Variants in TTC7B observed in about 807,000 individuals in gnomAD.
TTC7B encodes the protein tetratricopeptide repeat domain 7B.
TTC7B carries 28 observed loss-of-function variants against 106.8 expected under a neutral mutation model. The ratio of observed to expected loss-of-function variants is 0.26; its 90% CI spans 0.19 to 0.36. The LOEUF is 0.36. Ranked by LOEUF, TTC7B falls within the 10% of genes least tolerant of loss-of-function variation. The pLI, the probability that TTC7B is intolerant of heterozygous loss-of-function variation, is 1.00. For missense variants in TTC7B, 862 were observed against 1,076.4 expected, an observed-to-expected ratio of 0.80 and a Z score of 2.79; for synonymous variants, 405 against 430.6, an observed-to-expected ratio of 0.94 and a Z score of 0.74.
chr14:90,740,374 G>C (rs1405872924), intron 4 of TTC7B, among the ~76,000 whole-genome samples: 1 of 151,934 alleles, frequency 6.6e-6, no homozygotes, highest in Non-Finnish European at 1.5e-5. Flanking sequence ...GGAGTGAACA[G>C]AGAAGTCCAG....
At position 90,531,511 on chromosome 14, in the gene TTC7B, C is replaced by G. The variant is rs904998979; in HGVS notation, c.*9857G>C. On this transcript the variant is annotated 3_prime_UTR_variant, in exon 20 of 20. Transcript: ENST00000328459. ...GCGCATGCCTGTAATCCCAGCCACT[C>G]GGGAGGCTGAGTCAGGAGAACAGCT... 6.6e-6 allele frequency: 1 copy of G among 151,022 alleles called. No homozygotes were observed. The highest frequency in any genetic ancestry group is 2.1e-4 in the South Asian group (1 of 4,760). The allele number at this position is 151,022 out of a possible 1,614,324, so 9.4% of individuals were successfully genotyped here.
chr14:90,611,616 C>T (rs1407124139), intron 16 of TTC7B, among the ~76,000 whole-genome samples: 2 of 152,094 alleles, frequency 1.3e-5, no homozygotes, highest in Non-Finnish European at 2.9e-5. Flanking sequence ...TTGGTGGCAG[C>T]CTCCATACCA....
intron 13 of TTC7B, 126 bp from the exon 14 acceptor site, chr14:90,647,149 C>T (rs1885493828): frequency 2.6e-6 from 2 of 759,220 alleles, no homozygotes; most frequent in Non-Finnish European, 4.6e-6. Context: ...CTATGTAATG[C>T]TTCATTTAAA....
chr14:90,631,482 C>A (rs186591370), intron 15 of TTC7B, among the ~76,000 whole-genome samples: 1 of 150,878 alleles, frequency 6.6e-6, no homozygotes. Context: ...GGTCTCAACT[C>A]ACTGAAACCT....
At position 90,651,204 on chromosome 14, in the gene TTC7B, C is replaced by A. The variant is rs546340024; in HGVS notation, c.1517+1637G>T. ...TTTCCCTTAAAGATTTTTGTTAGGA[C>A]TGCAATTCACTAGAATAGTCCTAGT... On this transcript the variant is annotated intron_variant, in intron 13 of 19. Coordinates refer to ENST00000328459, the MANE Select transcript of TTC7B (RefSeq NM_001010854.2). Among the ~76,000 whole-genome samples, 3 of 152,264 alleles carry A rather than the reference C, an allele frequency of 2.0e-5. No individual in the cohort carries two copies. In the South Asian group the frequency reaches 6.2e-4, roughly 32 times the overall value.
At position 90,541,407 on chromosome 14, in the gene TTC7B, G is replaced by A. The variant is rs1246658986; in HGVS notation, c.2493C>T (p.Ser831=). ...GGATGATGGTGAAGGGCACGGCGGG[G>A]CTGCTGGCCTCCAGCTCCAAGGCTG... ...FLTALELEAS[S]PAVPFTIIPR... Residue 831 remains serine (S), a synonymous_variant, in exon 20 of 20, where the codon AGC becomes AGT. Transcript: ENST00000328459. 1.2e-6 allele frequency: 2 copies of A among 1,611,152 alleles called. No homozygotes were observed. Among genetic ancestry groups the A allele is most frequent in the African/African-American group, 2.7e-5 (2 of 74,920 alleles).
At chr14:90,599,738 T>C (rs1393870334) in intron 17 of TTC7B, among the ~76,000 whole-genome samples, 1 of 152,242 alleles carries the variant, frequency 6.6e-6, no homozygotes, top group African/African-American at 2.4e-5. Flanking sequence ...AATCACCTGC[T>C]GCTAATGAAT....
At chr14:90,816,126 G>A (rs943700) in intron 1 of TTC7B, 49 bp downstream of exon 1, 356,818 of 1,024,856 alleles carry the variant, frequency 0.35, 64,320 homozygotes, top group Non-Finnish European at 0.36. Context: ...CCGTTCCCGC[G>A]GAGGCCGCGG....
In TTC7B at chr14:90,644,228, A is replaced by G; in HGVS notation, c.1591-20T>C. The G allele has an allele frequency of 6.5e-7, 1 of 1,546,640 alleles. No homozygotes were observed. The highest frequency in any genetic ancestry group is 8.7e-7 in the Non-Finnish European group (1 of 1,153,524). The stretch of plus-strand genomic sequence containing the variant: ...TGGGATCTGGTTTAAAACAAAACCA[A>G]AAAAGGTTTTACATACACACATGCA... On this transcript the variant is annotated intron_variant, in intron 14 of 19. Coordinates refer to ENST00000328459, the MANE Select transcript of TTC7B (RefSeq NM_001010854.2).
rs543943541 is a variant in TTC7B, at chr14:90,540,391, G to A, written c.*977C>T. 1 of 152,308 alleles carries A rather than the reference G, an allele frequency of 6.6e-6. No homozygotes were observed. The highest frequency in any genetic ancestry group is 1.5e-5 in the Non-Finnish European group (1 of 68,060). 9.4% of individuals were successfully genotyped at this position (152,308 alleles called of 1,614,324 possible). Reference sequence around the variant, plus strand: ...TGCAGTGATCTGTGATCGCACCACTGAACTCCAGCCTGGGAAACAGAGTGA... The same window carrying A: ...TGCAGTGATCTGTGATCGCACCACTAAACTCCAGCCTGGGAAACAGAGTGA... On this transcript the variant is annotated 3_prime_UTR_variant, in exon 20 of 20. Transcript: ENST00000328459.
intron 19 of TTC7B, among the ~76,000 whole-genome samples, chr14:90,550,263 C>A (rs534975442): frequency 1.3e-5 from 2 of 152,330 alleles, no homozygotes; most frequent in Non-Finnish European, 2.9e-5. Flanking sequence ...AGAGGCTGAG[C>A]ACTGTGTGTC....
intron 15 of TTC7B, among the ~76,000 whole-genome samples, chr14:90,642,045 T>A (rs1164571583): frequency 1.3e-5 from 2 of 152,172 alleles, no homozygotes; most frequent in Non-Finnish European, 2.9e-5. Flanking sequence ...ACTTTACCGA[T>A]GGTTAAAGGA....
intron 18 of TTC7B, among the ~76,000 whole-genome samples, chr14:90,587,294 T>G (rs1297701722): frequency 6.6e-6 from 1 of 152,216 alleles, no homozygotes; most frequent in African/African-American, 2.4e-5. Context: ...CTCAGTAGCT[T>G]TCCAATGATT....
chr14:90,768,802 T>A (rs1477116897), intron 3 of TTC7B, among the ~76,000 whole-genome samples: 1 of 152,250 alleles, frequency 6.6e-6, no homozygotes, highest in Non-Finnish European at 1.5e-5. Context: ...TTAGCAATTA[T>A]AAAACTAGTA....
Position 90,657,257 on chromosome 14 carries a change from G to A in TTC7B, c.1258C>T (p.Leu420=), listed in dbSNP as rs1459629562. Residue 420 remains leucine, a synonymous_variant, in exon 11 of 20, where the codon CTG becomes TTG. Coordinates refer to ENST00000328459, the MANE Select transcript of TTC7B (RefSeq NM_001010854.2). The surrounding 1 kb of genome is among the most constrained non-coding windows in gnomAD (Gnocchi z 4.2). ...AGKSARAVKV[L]KECIRLKPDD... ...GGCTTCAGGCGGATACACTCTTTCA[G>A]CACCTTCACGGCACGGGCAGACTTG... 1 of 1,613,940 alleles carries A rather than the reference G, an allele frequency of 6.2e-7. No individual in the cohort carries two copies. The highest frequency in any genetic ancestry group is 1.1e-5 in the South Asian group (1 of 91,088).
chr14:90,753,322 T>C (rs1351109384), intron 3 of TTC7B, among the ~76,000 whole-genome samples: 1 of 152,222 alleles, frequency 6.6e-6, no homozygotes, highest in Non-Finnish European at 1.5e-5. Flanking sequence ...GCCTTTATTA[T>C]AATGGTAAGT....
chr14:90,562,007 C>T (rs1238063939), intron 19 of TTC7B, among the ~76,000 whole-genome samples: 1 of 152,234 alleles, frequency 6.6e-6, no homozygotes, highest in Non-Finnish European at 1.5e-5. Flanking sequence ...GGCCCTTTCT[C>T]TTTCCTGCTC....
chr14:90,672,078 G>A (rs562185128), intron 9 of TTC7B, among the ~76,000 whole-genome samples: 2 of 152,320 alleles, frequency 1.3e-5, no homozygotes, highest in African/African-American at 2.4e-5. Context: ...TGTGGTGCCC[G>A]TGGGCCCAGG....
At chr14:90,568,984 C>T (rs1595166354) in intron 19 of TTC7B, among the ~76,000 whole-genome samples, 1 of 152,310 alleles carries the variant, frequency 6.6e-6, no homozygotes, top group Non-Finnish European at 1.5e-5. Context: ...ACACCTGTTC[C>T]ACCAGTACCT....
Sources: gnomAD v4.1 joint callset for allele counts (sites outside exome capture counted in the v4.1 genomes callset) on GRCh38, gnomAD v4.1.1 for gene constraint, Gnocchi (gnomAD v3.1) non-coding constraint, MANE v1.5 for transcripts, NCBI Gene and HGNC (gene_info 2026-07-23, HGNC 2026-07-21) for gene names.